The following ACACA variants were observed in gnomAD, a reference collection of about 807,000 sequenced individuals.
The protein encoded by ACACA is acetyl-CoA carboxylase alpha, also known as acetyl-CoA carboxylase 1.
In ACACA, 103 loss-of-function variants were observed where a neutral mutation model predicts 296.1. The ratio of observed to expected loss-of-function variants is 0.35; its 90% CI spans 0.30 to 0.41. The LOEUF is 0.41. ACACA is among the 10% of genes least tolerant of loss of function. The probability of loss-of-function intolerance (pLI) is 1.00; values close to 1 mark genes in which losing one functional copy is unlikely to be tolerated. For synonymous variants in ACACA, 953 were observed against 1,038.6 expected (o/e 0.92, Z 1.58); for missense variants, 1,554 against 2,989.7 (o/e 0.52, Z 11.20).
chr17:37,339,351 A>C (rs1673665281), intron 2 of ACACA, among the ~76,000 whole-genome samples: 1 of 152,238 alleles, frequency 6.6e-6, no homozygotes, highest in Admixed American at 6.5e-5. Flanking sequence ...TGGGCTAATA[A>C]GTGAGAGTCT....
At chr17:37,344,502 G>A (rs904020962) in intron 1 of ACACA, among the ~76,000 whole-genome samples, 8 of 152,082 alleles carry the variant, frequency 5.3e-5, no homozygotes. Flanking sequence ...AGGCTGCAAT[G>A]AGCTGAGATC....
intron 1 of ACACA, among the ~76,000 whole-genome samples, chr17:37,400,740 CTGTGTGTG>C (rs71135716): frequency 2.0e-5 from 3 of 147,460 alleles, no homozygotes; most frequent in East Asian, 2.0e-4. Flanking sequence ...GTGTGTGTGT[CTGTGTGTG>C]TGTGTGTGTG....
chr17:37,181,463 G>T, intron 39 of ACACA, 107 bp from the exon 40 acceptor site: 1 of 1,269,650 alleles, frequency 7.9e-7, no homozygotes, highest in Non-Finnish European at 1.1e-6. Context: ...AAACATTTTT[G>T]GTAGGTTGAG....
At chr17:37,381,781 C>T (rs1178575738) in intron 1 of ACACA, among the ~76,000 whole-genome samples, 7 of 151,788 alleles carry the variant, frequency 4.6e-5, no homozygotes, top group Admixed American at 4.6e-4. Flanking sequence ...GCACTCGCCA[C>T]CACACCCAGT....
intron 1 of ACACA, among the ~76,000 whole-genome samples, chr17:37,398,969 A>G (rs914667240): frequency 1.4e-5 from 2 of 145,480 alleles, no homozygotes; most frequent in South Asian, 4.3e-4. Flanking sequence ...CAGGAAGATA[A>G]TAACTTCCCT....
intron 26 of ACACA, chr17:37,225,657 C>T (rs746456145): frequency 9.2e-5 from 16 of 174,322 alleles, no homozygotes; most frequent in Admixed American, 2.2e-4. Context: ...AACAGTGACA[C>T]GGTAGGATCT....
At chr17:37,227,878 A>AT (rs1176789224) in intron 25 of ACACA, among the ~76,000 whole-genome samples, 6 of 148,136 alleles carry the variant, frequency 4.1e-5, no homozygotes, top group South Asian at 2.1e-4. Context: ...AAAAAAAAAA[A>AT]TTTTTTTTAA....
At chr17:37,251,097 G>A (rs1208210525) in intron 16 of ACACA, among the ~76,000 whole-genome samples, 1 of 152,076 alleles carries the variant, frequency 6.6e-6, no homozygotes, top group Admixed American at 6.6e-5. Context: ...TGGGTGGGGG[G>A]CTTGTAGAGG....
chr17:37,115,177 T>G (rs986923964), intron 50 of ACACA, among the ~76,000 whole-genome samples: 2 of 145,012 alleles, frequency 1.4e-5, no homozygotes, highest in African/African-American at 4.9e-5. Flanking sequence ...CCAAAAAAAT[T>G]TACTGCTAAT....
Position 37,200,197 on chromosome 17 carries a change from GA to G in ACACA, c.4114-15del. On this transcript the variant is annotated splice_polypyrimidine_tract_variant and intron_variant, in intron 34 of 55. Transcript: ENST00000616317. ...CTTTCTGAAATCCTTTCAAATAAAA[GA>G]GAGAAAGGAAGGAAAGACAGCAGAA... is the stretch of plus-strand genomic sequence containing the variant. 6.2e-7 allele frequency: 1 copy of G among 1,603,428 alleles called. No homozygotes were observed. Among genetic ancestry groups the G allele is most frequent in the Non-Finnish European group, 8.5e-7 (1 of 1,170,468 alleles).
chr17:37,289,663 C>G, intron 3 of ACACA: 2 of 489,752 alleles, frequency 4.1e-6, no homozygotes. Context: ...ATAATCTACT[C>G]TATTACAGCT....
intron 33 of ACACA, among the ~76,000 whole-genome samples, chr17:37,202,877 T>C (rs980206094): frequency 1.3e-5 from 2 of 151,504 alleles, no homozygotes; most frequent in Non-Finnish European, 2.9e-5. Flanking sequence ...CTCTGTGCCT[T>C]AGTTTCCACA....
chr17:37,283,679 T>G (rs934543983), intron 4 of ACACA, among the ~76,000 whole-genome samples: 1 of 152,194 alleles, frequency 6.6e-6, no homozygotes, highest in African/African-American at 2.4e-5. Flanking sequence ...TCACAATTAC[T>G]TAAATCTGTG....
chr17:37,095,807 CAGAA>C (rs1176274142), intron 54 of ACACA, among the ~76,000 whole-genome samples: 1 of 152,114 alleles, frequency 6.6e-6, no homozygotes, highest in African/African-American at 2.4e-5. Flanking sequence ...TAAAAATAAA[CAGAA>C]ATAAAAGTTC....
chr17:37,146,081 T>C (rs192815094), intron 45 of ACACA, among the ~76,000 whole-genome samples: 1 of 151,858 alleles, frequency 6.6e-6, no homozygotes, highest in Admixed American at 6.6e-5. Flanking sequence ...CCACCAAAAG[T>C]AAAAAAACAG....
At position 37,243,489 on chromosome 17, in the gene ACACA, T is replaced by C; in HGVS notation, c.2813A>G (p.Asp938Gly). The C allele has an allele frequency of 6.2e-7, 1 of 1,614,148 alleles. No homozygotes were observed. Among genetic ancestry groups the C allele is most frequent in the Non-Finnish European group, 8.5e-7 (1 of 1,180,024 alleles). Residue 938 changes from aspartate to glycine, a missense_variant, in exon 22 of 56, where the codon GAT becomes GGT. Physicochemically the swap from Asp to Gly is moderately conservative, Grantham distance 94. Around this residue, in one of 16 missense-constraint regions of ACACA, gnomAD observed 316 missense variants for 540.9 expected, o/e 0.58. Transcript: ENST00000616317. Reference sequence around the variant, plus strand: ...GCGGCCAGACACACTGGTCATAATATCTTGCAATTCTAGGAGAGGCAGGGA... The same window carrying C: ...GCGGCCAGACACACTGGTCATAATACCTTGCAATTCTAGGAGAGGCAGGGA... The part of the protein sequence containing the change: ...DPSLPLLELQ[D>G]IMTSVSGRIP...
chr17:37,340,463 T>G (rs829167), intron 1 of ACACA, among the ~76,000 whole-genome samples: 2 of 152,032 alleles, frequency 1.3e-5, no homozygotes, highest in Non-Finnish European at 2.9e-5. Flanking sequence ...AAGTCTAAAC[T>G]CCACCCTAGA....
At chr17:37,260,265 TATATATATATATATATA>T (rs2081396711) in intron 11 of ACACA, among the ~76,000 whole-genome samples, 1 of 19,092 alleles carries the variant, frequency 5.2e-5, no homozygotes, top group African/African-American at 3.1e-4. Context: ...TATATATATA[TATATATATATATATATA>T]TATATATATA....
chr17:37,136,303 T>C (rs915186767), intron 45 of ACACA, among the ~76,000 whole-genome samples: 14 of 152,174 alleles, frequency 9.2e-5, no homozygotes, highest in Non-Finnish European at 1.9e-4. Flanking sequence ...AATGGAGTCA[T>C]ACAGTACATA....
Sources: gnomAD v4.1 joint callset for allele counts (sites outside exome capture counted in the v4.1 genomes callset) on GRCh38, gnomAD v4.1.1 for gene constraint, gnomAD v4.1.1 regional missense constraint, MANE v1.5 for transcripts, NCBI Gene and HGNC (gene_info 2026-07-23, HGNC 2026-07-21) for gene names.